ACOXL: variants seen among roughly 807,000 people sequenced by gnomAD.
The protein encoded by ACOXL is acyl-CoA oxidase like, also known as acyl-coenzyme A oxidase-like protein.
A neutral mutation model predicts 71.9 loss-of-function variants in ACOXL; 70 were observed. That is an observed-to-expected ratio of 0.97 (90% CI 0.80 to 1.19). ACOXL has a LOEUF of 1.19. ACOXL is among the 50% of genes most tolerant of loss of function. The pLI is 0.00. For missense variants in ACOXL, 703 were observed against 736.3 expected (o/e 0.95, Z 0.52); for synonymous variants, 253 against 281.6 (o/e 0.90, Z 1.02).
At chr2:110,996,063 T>G in intron 14 of ACOXL, 59 bp downstream of exon 14, 1 of 1,362,308 alleles carries the variant, frequency 7.3e-7, no homozygotes, top group Admixed American at 1.7e-5. Flanking sequence ...ATATCCTTGC[T>G]GGTGAACTAT....
intron 12 of ACOXL, among the ~76,000 whole-genome samples, chr2:110,940,735 CATT>C (rs1424392890): frequency 6.6e-6 from 1 of 152,156 alleles, no homozygotes; most frequent in Non-Finnish European, 1.5e-5. Flanking sequence ...ATTTTAATAA[CATT>C]ATCACTCTGT....
intron 11 of ACOXL, among the ~76,000 whole-genome samples, chr2:110,918,178 C>T (rs2059933666): frequency 6.6e-6 from 1 of 152,128 alleles, no homozygotes; most frequent in African/African-American, 2.4e-5. Flanking sequence ...GCTACAGTAA[C>T]CAAAATAGCA....
intron 15 of ACOXL, 97 bp downstream of exon 15, chr2:111,031,811 A>T: frequency 1.6e-6 from 2 of 1,222,770 alleles, no homozygotes; most frequent in Non-Finnish European, 2.4e-6. Flanking sequence ...GTCCCAACAC[A>T]CAGGGAAGGG....
At chr2:110,811,056 G>A (rs1687258468) in intron 9 of ACOXL, among the ~76,000 whole-genome samples, 1 of 152,152 alleles carries the variant, frequency 6.6e-6, no homozygotes, top group South Asian at 2.1e-4. Context: ...ATCTTCACCG[G>A]GTCCCTTCCA....
chr2:110,968,731 A>ATT lies in ACOXL; in HGVS notation c.1060-18374_1060-18373dup, dbSNP rs35456827. On this transcript the variant is annotated intron_variant, in intron 12 of 17. Transcript: ENST00000439055. Reference sequence around the variant, plus strand: ...GGGCTGCTGAGAGCTACACCAAACAATTTTCTATGACGATTTTTCAGATAA... The same window carrying ATT: ...GGGCTGCTGAGAGCTACACCAAACAATTTTTTCTATGACGATTTTTCAGATAA... The ATT allele has an allele frequency of 4.3e-6, 3 of 702,510 alleles. No individual in the cohort carries two copies. In the East Asian group the frequency reaches 9.2e-5, roughly 21 times the overall value. 43.5% of individuals were successfully genotyped at this position (702,510 alleles called of 1,614,324 possible). A position where few individuals can be genotyped will look rare whatever the true frequency, so the allele number is the denominator to read the frequency against.
chr2:111,045,819 G>C (rs2065991941), intron 15 of ACOXL, among the ~76,000 whole-genome samples: 1 of 152,220 alleles, frequency 6.6e-6, no homozygotes, highest in Admixed American at 6.5e-5. Context: ...TTTGTCATCT[G>C]TGTAGAAAGG....
At chr2:110,950,992 C>G (rs1333526552) in intron 12 of ACOXL, among the ~76,000 whole-genome samples, 1 of 152,078 alleles carries the variant, frequency 6.6e-6, no homozygotes, top group Non-Finnish European at 1.5e-5. Flanking sequence ...TTGTGACTGT[C>G]CATTTGGAAT....
At chr2:111,029,548 T>G (rs546690848) in intron 14 of ACOXL, among the ~76,000 whole-genome samples, 10 of 152,358 alleles carry the variant, frequency 6.6e-5, no homozygotes, top group Admixed American at 6.5e-4. Flanking sequence ...AGCCCGCAGT[T>G]GGCTTCAGCC....
At chr2:110,915,427 T>TC (rs1558722249) in intron 11 of ACOXL, among the ~76,000 whole-genome samples, 1 of 94,544 alleles carries the variant, frequency 1.1e-5, no homozygotes, top group East Asian at 2.8e-4. Flanking sequence ...TATATATATA[T>TC]ATTTTTTTTT....
chr2:111,117,874 G>A lies in ACOXL; in HGVS notation c.*58G>A. On this transcript the variant is annotated 3_prime_UTR_variant, in exon 18 of 18. Transcript: ENST00000439055. ...CAGCTGCCACGACGCTCGCTCCACCGACGCCCAGAGCTGTGGCCGAGGCCG... is the reference window on the plus strand; with the variant it reads ...CAGCTGCCACGACGCTCGCTCCACCAACGCCCAGAGCTGTGGCCGAGGCCG... 6.6e-7 allele frequency: 1 copy of A among 1,513,198 alleles called. No individual in the cohort carries two copies. The highest frequency in any genetic ancestry group is 8.8e-7 in the Non-Finnish European group (1 of 1,130,572). 93.7% of individuals were successfully genotyped at this position (1,513,198 alleles called of 1,614,324 possible).
chr2:111,100,980 A>G (rs1378804158), intron 17 of ACOXL: 1 of 152,650 alleles, frequency 6.6e-6, no homozygotes. Context: ...TGAATCATAG[A>G]GGAAGAAGAG....
chr2:110,956,052 C>T (rs570186029), intron 12 of ACOXL, among the ~76,000 whole-genome samples: 9 of 150,452 alleles, frequency 6.0e-5, no homozygotes, highest in South Asian at 2.1e-4. Flanking sequence ...AATTCTGCGT[C>T]AGCCTCCTGA....
chr2:111,085,238 A>G (rs561805757), intron 16 of ACOXL, among the ~76,000 whole-genome samples: 1 of 152,302 alleles, frequency 6.6e-6, no homozygotes, highest in South Asian at 2.1e-4. Context: ...CCTGATAGAC[A>G]TCTACACAAC....
intron 17 of ACOXL, chr2:111,101,245 A>G (rs1298289179): frequency 6.6e-6 from 1 of 152,412 alleles, no homozygotes; most frequent in East Asian, 1.9e-4. Flanking sequence ...GTGATTAAAG[A>G]ACACACAAAA....
chr2:111,076,323 A>T (rs1172223988), intron 16 of ACOXL, among the ~76,000 whole-genome samples: 1 of 152,056 alleles, frequency 6.6e-6, no homozygotes, highest in Non-Finnish European at 1.5e-5. Flanking sequence ...TTGTTTCATT[A>T]GCCTTTTTAT....
At chr2:110,886,380 CTTT>C (rs751607372) in intron 10 of ACOXL, among the ~76,000 whole-genome samples, 1 of 131,490 alleles carries the variant, frequency 7.6e-6, no homozygotes, top group Non-Finnish European at 1.6e-5. Context: ...CCTTCTTTTT[CTTT>C]TTTTTTTTTT....
At chr2:110,848,398 A>G (rs1692176617) in intron 10 of ACOXL, among the ~76,000 whole-genome samples, 1 of 152,216 alleles carries the variant, frequency 6.6e-6, no homozygotes. Context: ...AAACAAAGCC[A>G]TCTTTTGGAT....
intron 13 of ACOXL, among the ~76,000 whole-genome samples, chr2:110,987,981 A>G (rs7590779): frequency 0.059 from 8,989 of 152,268 alleles, 468 homozygotes; most frequent in African/African-American, 0.13. Flanking sequence ...AGAATAAGAA[A>G]TACACTTTAA....
chr2:110,990,414 T>A lies in ACOXL; in HGVS notation c.1169+3197T>A, dbSNP rs1175782143. Among the ~76,000 whole-genome samples the A allele has an allele frequency of 3.9e-5, 6 of 152,358 alleles. No homozygotes were observed. The East Asian group carries it at 9.6e-4, about 24-fold the overall frequency. ...AAGAAATTTCTTTTAAATGTGTCTG[T>A]AGATTCTTTGGAGTTTTTTTCCATA... On this transcript the variant is annotated intron_variant, in intron 13 of 17. Transcript: ENST00000439055.
Sources: allele counts gnomAD v4.1 joint callset (sites outside exome capture counted in the v4.1 genomes callset), GRCh38; gene constraint gnomAD v4.1.1; transcripts MANE v1.5; gene names NCBI Gene and HGNC (gene_info 2026-07-23, HGNC 2026-07-21).